Variants in TAB2 observed in about 807,000 individuals in gnomAD.
TAB2 encodes the protein TGF-beta activated kinase 1 (MAP3K7) binding protein 2, also known as TGF-beta-activated kinase 1 and MAP3K7-binding protein 2.
Under a neutral mutation model 65.0 loss-of-function variants are expected in TAB2, and 3 were observed. The ratio of observed to expected loss-of-function variants is 0.05; its 90% CI spans 0.02 to 0.12. The LOEUF is 0.12. Ranked by LOEUF, TAB2 falls within the 10% of genes least tolerant of loss-of-function variation. The probability of loss-of-function intolerance (pLI) is 1.00; values close to 1 mark genes in which losing one functional copy is unlikely to be tolerated. For missense variants in TAB2, 623 were observed against 840.3 expected (o/e 0.74, Z 3.20); for synonymous variants, 298 against 285.1 (o/e 1.05, Z -0.46).
At chr6:149,296,940 C>T (rs764452429) in intron 1 of TAB2, among the ~76,000 whole-genome samples, 2 of 151,972 alleles carry the variant, frequency 1.3e-5, no homozygotes, top group East Asian at 1.9e-4. Context: ...CTTTTTATTT[C>T]GAAAAATTTT....
chr6:149,397,791 C>G, intron 4 of TAB2, 27 bp downstream of exon 4: 1 of 1,611,396 alleles, frequency 6.2e-7, no homozygotes, highest in Non-Finnish European at 8.5e-7. Context: ...CTGTTGTGAT[C>G]TCTGCTTGAA....
chr6:149,397,843 T>C (rs1166149192), intron 4 of TAB2, 79 bp downstream of exon 4: 1 of 1,588,760 alleles, frequency 6.3e-7, no homozygotes, highest in East Asian at 2.2e-5. Flanking sequence ...TATCTCTATC[T>C]AGTTTTCTTC....
chr6:149,220,743 C>G (rs796717951), intron 1 of TAB2: 7 of 152,264 alleles, frequency 4.6e-5, no homozygotes, highest in African/African-American at 1.7e-4. Flanking sequence ...CGGCCTCCCG[C>G]GTAGCTGTGA....
upstream of TAB2, chr6:149,317,465 G>A (rs1178639669): frequency 5.8e-6 from 1 of 171,086 alleles, no homozygotes; most frequent in Non-Finnish European, 1.2e-5. This position sits in a 1 kb window ranked among gnomAD's most constrained non-coding sequence, Gnocchi z 4.7. Flanking sequence ...TTCGGCTAGG[G>A]GAGGCCTCGT....
rs374508964 is a variant in TAB2 at position 149,378,288 on chromosome 6, G to A, written c.373G>A (p.Glu125Lys). The A allele has an allele frequency of 1.9e-6, 3 of 1,614,206 alleles. No individual in the cohort carries two copies. Among genetic ancestry groups the A allele is most frequent in the East Asian group, 4.5e-5 (2 of 44,882 alleles). ...GTCCAATAGTGAACTATTTCAGCAGGAGCCACAGACAGCACCAGCTCAAGT... is the reference window on the plus strand; with the variant it reads ...GTCCAATAGTGAACTATTTCAGCAGAAGCCACAGACAGCACCAGCTCAAGT... Reference protein sequence around the residue: ...GQSNSELFQQEPQTAPAQVPQ... With the variant: ...GQSNSELFQQKPQTAPAQVPQ... The change falls in exon 3 of 7, where the codon GAG (glutamate) becomes AAG (lysine). Residue 125 changes from glutamate to lysine, a missense_variant. Transcript: ENST00000637181.
At chr6:149,277,558 G>A (rs571703056) in intron 1 of TAB2, among the ~76,000 whole-genome samples, 1 of 152,184 alleles carries the variant, frequency 6.6e-6, no homozygotes, top group East Asian at 1.9e-4. Flanking sequence ...ATGAGAGATG[G>A]GGTGAGGGGT....
At chr6:149,313,159 AT>A (rs888902576), upstream of TAB2, among the ~76,000 whole-genome samples, 16 of 151,836 alleles carry the variant, frequency 1.1e-4, no homozygotes, top group African/African-American at 3.9e-4. Context: ...TTTAATTATT[AT>A]TTTTATTTTA....
intron 1 of TAB2, among the ~76,000 whole-genome samples, chr6:149,318,401 G>A (rs1275884341): frequency 6.6e-6 from 1 of 152,004 alleles, no homozygotes; most frequent in African/African-American, 2.4e-5. Context: ...CATGTGTGAG[G>A]TGGGGGCGGG....
At chr6:149,332,226 G>A (rs1026363111) in intron 1 of TAB2, among the ~76,000 whole-genome samples, 13 of 152,108 alleles carry the variant, frequency 8.5e-5, no homozygotes, top group African/African-American at 3.1e-4. Context: ...TATCAACTGG[G>A]CAATTCATTC....
At chr6:149,241,363 A>G (rs1395774781) in intron 1 of TAB2, among the ~76,000 whole-genome samples, 1 of 152,044 alleles carries the variant, frequency 6.6e-6, no homozygotes, top group African/African-American at 2.4e-5. Flanking sequence ...TTTTGCCTAT[A>G]CTCTTTTAAT....
intron 1 of TAB2, among the ~76,000 whole-genome samples, chr6:149,249,407 GCT>G (rs1777810542): frequency 6.7e-6 from 1 of 149,792 alleles, no homozygotes; most frequent in Admixed American, 6.6e-5. Flanking sequence ...GCAAAGGTGT[GCT>G]CTCTCTGTAA....
intron 1 of TAB2, among the ~76,000 whole-genome samples, chr6:149,250,536 C>T (rs2114654109): frequency 6.6e-6 from 1 of 152,246 alleles, no homozygotes; most frequent in South Asian, 2.1e-4. Context: ...AAACTCCTGA[C>T]CTCAGGCGAT....
At chr6:149,406,485 T>C (rs879331911) in intron 6 of TAB2, among the ~76,000 whole-genome samples, 2 of 152,174 alleles carry the variant, frequency 1.3e-5, no homozygotes, top group Non-Finnish European at 2.9e-5. Flanking sequence ...CTGGTAGGAA[T>C]ACCATGTTAA....
upstream of TAB2, among the ~76,000 whole-genome samples, chr6:149,315,542 C>A (rs1779233909): frequency 6.6e-6 from 1 of 152,158 alleles, no homozygotes; most frequent in South Asian, 2.1e-4. Flanking sequence ...TGATACAATT[C>A]TTTAATCTAC....
chr6:149,343,378 C>T (rs934928319), intron 1 of TAB2, among the ~76,000 whole-genome samples: 23 of 150,940 alleles, frequency 1.5e-4, no homozygotes, highest in African/African-American at 5.6e-4. Context: ...GCCTGAAGCA[C>T]GAGAATCACT....
chr6:149,277,516 C>T (rs997284554), intron 1 of TAB2, among the ~76,000 whole-genome samples: 7 of 151,800 alleles, frequency 4.6e-5, no homozygotes, highest in African/African-American at 1.7e-4. Flanking sequence ...AAAGACAAAC[C>T]AAATATTAAC....
At chr6:149,273,631 A>G (rs559232325) in intron 1 of TAB2, among the ~76,000 whole-genome samples, 5 of 152,342 alleles carry the variant, frequency 3.3e-5, no homozygotes, top group African/African-American at 1.2e-4. Context: ...CTGTGGGCAA[A>G]TCAGCCTCTG....
At chr6:149,229,911 T>C (rs1777366827) in intron 1 of TAB2, 1 of 152,230 alleles carries the variant, frequency 6.6e-6, no homozygotes, top group Non-Finnish European at 1.5e-5. Context: ...AAGTTTTAAA[T>C]TTCCCTAATT....
At chr6:149,274,198 A>G (rs936272965) in intron 1 of TAB2, among the ~76,000 whole-genome samples, 14 of 152,182 alleles carry the variant, frequency 9.2e-5, no homozygotes, top group African/African-American at 2.7e-4. Flanking sequence ...TAGAATTGCT[A>G]TGGCTGGGTG....
Sources: allele counts gnomAD v4.1 joint callset (sites outside exome capture counted in the v4.1 genomes callset), GRCh38; gene constraint gnomAD v4.1.1; non-coding constraint Gnocchi (gnomAD v3.1); transcripts MANE v1.5; gene names NCBI Gene and HGNC (gene_info 2026-07-23, HGNC 2026-07-21).